Variants in SNX2 observed in about 807,000 individuals in gnomAD.
SNX2 encodes the protein sorting nexin 2.
Under a neutral mutation model 69.9 loss-of-function variants are expected in SNX2, and 25 were observed. The observed-to-expected ratio is 0.36, with a 90% CI of 0.26 to 0.50. SNX2 has a LOEUF of 0.50. Ranked by LOEUF, SNX2 falls within the 20% of genes least tolerant of loss-of-function variation. The pLI is 0.97. For synonymous variants in SNX2, 229 were observed against 200.4 expected, an observed-to-expected ratio of 1.14 and a Z score of -1.20; for missense variants, 551 against 613.3, an observed-to-expected ratio of 0.90 and a Z score of 1.07.
At chr5:122,791,494 C>G (rs1031073305) in intron 1 of SNX2, among the ~76,000 whole-genome samples, 5 of 152,228 alleles carry the variant, frequency 3.3e-5, no homozygotes, top group Admixed American at 6.5e-5. Context: ...ATTGGCCAGG[C>G]TGGTCTCGAA....
chr5:122,795,222 G>A, intron 1 of SNX2, 44 bp from the exon 2 acceptor site: 1 of 1,271,464 alleles, frequency 7.9e-7, no homozygotes, highest in South Asian at 1.2e-5. Flanking sequence ...ATTACAACAG[G>A]TAAACATGCC....
chr5:122,807,362 A>G (rs1581637904), intron 6 of SNX2, among the ~76,000 whole-genome samples: 1 of 152,198 alleles, frequency 6.6e-6, no homozygotes, highest in East Asian at 1.9e-4. Context: ...TTATTACCCC[A>G]AAATGGAATC....
intron 1 of SNX2, among the ~76,000 whole-genome samples, chr5:122,787,573 G>A (rs528411962): frequency 6.6e-5 from 10 of 151,948 alleles, no homozygotes; most frequent in African/African-American, 1.2e-4. Context: ...GCAGTTGAGC[G>A]GGGTACTCCA....
At chr5:122,786,750 C>G (rs1046251550) in intron 1 of SNX2, among the ~76,000 whole-genome samples, 7 of 151,556 alleles carry the variant, frequency 4.6e-5, no homozygotes, top group African/African-American at 1.7e-4. Context: ...TTTTGGCTCC[C>G]TCCTTAGTCG....
chr5:122,817,807 T>C (rs1753933884), intron 10 of SNX2, among the ~76,000 whole-genome samples: 1 of 152,130 alleles, frequency 6.6e-6, no homozygotes, highest in Non-Finnish European at 1.5e-5. Flanking sequence ...GTATTTGTTT[T>C]GTGTGTCTAT....
intron 12 of SNX2, among the ~76,000 whole-genome samples, chr5:122,826,998 T>C (rs1022094510): frequency 6.6e-6 from 1 of 152,094 alleles, no homozygotes. Flanking sequence ...AGTATTGATA[T>C]ATTCTGAAAT....
In SNX2 at chr5:122,802,045, T is replaced by C. The variant is rs57614986; in HGVS notation, c.458-36T>C. ...ATTAAATGAGTTTTATTTTTATGCATGTGATTTTAATAGTAGTGTTTGACT... is the reference window on the plus strand; with the variant it reads ...ATTAAATGAGTTTTATTTTTATGCACGTGATTTTAATAGTAGTGTTTGACT... On this transcript the variant is annotated intron_variant, in intron 4 of 14. Transcript: ENST00000379516. 4.4e-4 allele frequency: 693 copies of C among 1,590,152 alleles called. 3 individuals carry two copies. In the African/African-American group the frequency reaches 8.5e-3, roughly 19 times the overall value.
At position 122,815,851 on chromosome 5, in the gene SNX2, T is replaced by C. The variant is rs759983337; in HGVS notation, c.723-45T>C. The C allele has an allele frequency of 2.9e-6, 3 of 1,032,744 alleles. No individual in the cohort carries two copies. In the East Asian group the frequency reaches 7.5e-5, roughly 26 times the overall value. The allele number at this position is 1,032,744 out of a possible 1,614,324, so 64.0% of individuals were successfully genotyped here. ...TTTTTATCATTTTGTTGAACTGTAA[T>C]TCAAGATGCTACTGATAAAGGAGCA... On this transcript the variant is annotated intron_variant, in intron 7 of 14. Transcript: ENST00000379516.
chr5:122,802,558 A>G (rs926120234), intron 5 of SNX2, among the ~76,000 whole-genome samples: 3 of 152,202 alleles, frequency 2.0e-5, no homozygotes, highest in African/African-American at 7.2e-5. Context: ...CATGCTGAGT[A>G]TAATGGAGAG....
In SNX2 at chr5:122,830,259, A is replaced by T. The variant is rs796678658; in HGVS notation, c.*611A>T. On this transcript the variant is annotated 3_prime_UTR_variant, in exon 15 of 15. Transcript: ENST00000379516. ...AAAGCTGAACTCATTAAATGACTAA[A>T]TGAAGCTTAAGTTTTCTTATGAAAC... Among the ~76,000 whole-genome samples the T allele has an allele frequency of 5.3e-5, 8 of 152,288 alleles. No homozygotes were observed. The highest frequency in any genetic ancestry group is 1.9e-4 in the African/African-American group (8 of 41,578).
intron 1 of SNX2, among the ~76,000 whole-genome samples, chr5:122,779,063 A>C (rs1372164908): frequency 6.6e-6 from 1 of 152,214 alleles, no homozygotes; most frequent in East Asian, 1.9e-4. Flanking sequence ...TTGACCTTTA[A>C]ATACAGTTTT....
At chr5:122,779,279 A>G (rs1752918224) in intron 1 of SNX2, among the ~76,000 whole-genome samples, 1 of 152,096 alleles carries the variant, frequency 6.6e-6, no homozygotes, top group Admixed American at 6.6e-5. Context: ...TCACCTCAGA[A>G]AGATACCCTG....
chr5:122,780,146 G>T (rs923935762), intron 1 of SNX2, among the ~76,000 whole-genome samples: 1 of 152,154 alleles, frequency 6.6e-6, no homozygotes, highest in Non-Finnish European at 1.5e-5. Context: ...TAGGACTGCT[G>T]GATGGGCTAG....
At chr5:122,810,914 A>G (rs1753761491) in intron 7 of SNX2, among the ~76,000 whole-genome samples, 1 of 152,240 alleles carries the variant, frequency 6.6e-6, no homozygotes, top group Admixed American at 6.5e-5. Context: ...TCTAATCTTA[A>G]TTCTTCTGTG....
chr5:122,793,114 A>G (rs1753282658), intron 1 of SNX2, among the ~76,000 whole-genome samples: 1 of 152,196 alleles, frequency 6.6e-6, no homozygotes, highest in Non-Finnish European at 1.5e-5. Flanking sequence ...CAGCTATTCC[A>G]TTCTTAGGTT....
At chr5:122,797,708 G>A (rs1468713907) in intron 2 of SNX2, among the ~76,000 whole-genome samples, 1 of 152,126 alleles carries the variant, frequency 6.6e-6, no homozygotes, top group South Asian at 2.1e-4. Flanking sequence ...GACATAATCA[G>A]TTCATACATG....
At chr5:122,806,020 T>G (rs1269811127) in intron 6 of SNX2, among the ~76,000 whole-genome samples, 1 of 151,742 alleles carries the variant, frequency 6.6e-6, no homozygotes, top group African/African-American at 2.4e-5. Context: ...GAGCTCATGA[T>G]TCGCCCGTCT....
chr5:122,801,595 A>G (rs1753511339), intron 3 of SNX2, among the ~76,000 whole-genome samples: 1 of 134,030 alleles, frequency 7.5e-6, no homozygotes, highest in South Asian at 2.4e-4. Context: ...GCAGAGCAAG[A>G]CTCTATCTTT....
At chr5:122,822,867 TA>T (rs986308732) in intron 11 of SNX2, among the ~76,000 whole-genome samples, 5 of 152,150 alleles carry the variant, frequency 3.3e-5, no homozygotes, top group African/African-American at 1.2e-4. Context: ...TAAAACATAC[TA>T]AAAAAATGTA....
Sources: gnomAD v4.1 joint callset for allele counts (sites outside exome capture counted in the v4.1 genomes callset) on GRCh38, gnomAD v4.1.1 for gene constraint, MANE v1.5 for transcripts, NCBI Gene and HGNC (gene_info 2026-07-23, HGNC 2026-07-21) for gene names.